The following CNTN6 variants were observed in gnomAD, a reference collection of about 807,000 sequenced individuals.
CNTN6 encodes the protein contactin-6.
CNTN6 carries 137 observed loss-of-function variants against 122.8 expected under a neutral mutation model. The ratio of observed to expected loss-of-function variants is 1.12; its 90% confidence interval spans 0.97 to 1.29. The LOEUF (loss-of-function observed/expected upper bound fraction) is 1.29. Ranked by LOEUF, CNTN6 falls within the 50% of genes most tolerant of loss-of-function variation. The probability of loss-of-function intolerance (pLI) is 0.00; values close to 1 mark genes in which losing one functional copy is unlikely to be tolerated. For missense variants in CNTN6, 1,634 were observed against 1,223.4 expected (o/e 1.34, Z -5.01); for synonymous variants, 570 against 426.0 (o/e 1.34, Z -4.16).
intron 1 of CNTN6, among the ~76,000 whole-genome samples, chr3:1,136,840 T>G (rs1040546490): frequency 3.3e-5 from 5 of 152,342 alleles, no homozygotes; most frequent in Admixed American, 2.0e-4. Context: ...ATCATCTGTG[T>G]GCACTTTGTC....
At chr3:1,127,998 G>A (rs1288441692) in intron 1 of CNTN6, among the ~76,000 whole-genome samples, 1 of 151,852 alleles carries the variant, frequency 6.6e-6, no homozygotes, top group Non-Finnish European at 1.5e-5. Context: ...TTGTATTAGG[G>A]AATGGCTGAC....
At chr3:1,357,884 A>C (rs1449169997) in intron 12 of CNTN6, among the ~76,000 whole-genome samples, 1 of 141,698 alleles carries the variant, frequency 7.1e-6, no homozygotes, top group Non-Finnish European at 1.6e-5. Context: ...ATTTATGTAA[A>C]ATTTACATAT....
intron 7 of CNTN6, among the ~76,000 whole-genome samples, chr3:1,299,654 C>T (rs1365429755): frequency 6.6e-6 from 1 of 152,100 alleles, no homozygotes; most frequent in Non-Finnish European, 1.5e-5. Context: ...TGTTTCTATT[C>T]AGAGGAAGCA....
At chr3:1,240,131 G>C (rs941521251) in intron 4 of CNTN6, among the ~76,000 whole-genome samples, 2 of 152,014 alleles carry the variant, frequency 1.3e-5, no homozygotes, top group Non-Finnish European at 2.9e-5. Flanking sequence ...TCATGACCAA[G>C]AACACAAAGC....
At chr3:1,286,195 T>C (rs532973909) in intron 5 of CNTN6, among the ~76,000 whole-genome samples, 3 of 152,314 alleles carry the variant, frequency 2.0e-5, no homozygotes, top group Admixed American at 1.3e-4. Context: ...AGTAATTCTT[T>C]TTTTCTCTTT....
intron 2 of CNTN6, among the ~76,000 whole-genome samples, chr3:1,148,529 A>C (rs572750482): frequency 1.1e-3 from 175 of 152,216 alleles, no homozygotes; most frequent in African/African-American, 4.0e-3. Flanking sequence ...AGAAAAGATG[A>C]TATAGAATGT....
intron 1 of CNTN6, among the ~76,000 whole-genome samples, chr3:1,123,263 G>A (rs553836375): frequency 6.6e-6 from 1 of 151,826 alleles, no homozygotes; most frequent in Non-Finnish European, 1.5e-5. Flanking sequence ...ACCACATTAA[G>A]CCTCCTAATC....
rs73095001 is a variant in CNTN6, at chr3:1,383,144, G to C, written c.2369G>C (p.Ser790Thr). ...AATAATGAAGGAGAAGGATCCCTGA[G>C]TACTGTGACCATTGTCTACTCTGGG... ...VYNNEGEGSL[S>T]TVTIVYSGED... is the part of the protein sequence containing the mutation. The change falls in exon 18 of 23, where the codon AGT (serine) becomes ACT (threonine). Residue 790 changes from serine (S) to threonine (T), a missense_variant. Coordinates refer to ENST00000446702, the MANE Select transcript of CNTN6 (RefSeq NM_001289080.2). 13 of 1,613,986 alleles carry C rather than the reference G, an allele frequency of 8.1e-6. No homozygotes were observed. In the East Asian group the frequency reaches 1.1e-4, roughly 14 times the overall value.
At chr3:1,322,814 T>C (rs1701046122) in intron 8 of CNTN6, among the ~76,000 whole-genome samples, 1 of 151,646 alleles carries the variant, frequency 6.6e-6, no homozygotes, top group African/African-American at 2.4e-5. Flanking sequence ...CTATTTTATA[T>C]ATAGAATATA....
rs781308727 is a variant in CNTN6, at chr3:1,297,885, A to G, written c.659-4A>G. The G allele has an allele frequency of 3.7e-6, 6 of 1,603,730 alleles. 1 individual carries two copies. The highest frequency in any genetic ancestry group is 5.1e-6 in the Non-Finnish European group (6 of 1,174,090). Reference sequence around the variant, plus strand: ...ATGCTGCTAGCTCTTTTGATATTTAACAGGTGTGATGGGGGAATATGAACC... The same window carrying G: ...ATGCTGCTAGCTCTTTTGATATTTAGCAGGTGTGATGGGGGAATATGAACC... On this transcript the variant is annotated splice_polypyrimidine_tract_variant and splice_region_variant and intron_variant, in intron 6 of 22. Transcript: ENST00000446702.
chr3:1,265,780 C>T (rs922148927), intron 4 of CNTN6, among the ~76,000 whole-genome samples: 7 of 152,052 alleles, frequency 4.6e-5, no homozygotes, highest in African/African-American at 9.7e-5. Context: ...TCAGATGGCC[C>T]GTTTTCCTCA....
chr3:1,282,009 C>CAA (rs1559700369), intron 5 of CNTN6, among the ~76,000 whole-genome samples: 2 of 145,264 alleles, frequency 1.4e-5, no homozygotes, highest in African/African-American at 5.1e-5. Context: ...CACACACACA[C>CAA]ATAACTTTAT....
rs768373088 is a variant in CNTN6, at chr3:1,402,501, C to A, written c.2986+15C>A. ...AAAAATGTCAAGTAAGTTGAGTCAC[C>A]ATTGCTGTAGTAGATTCTGAACCTA... On this transcript the variant is annotated intron_variant, in intron 22 of 22. Transcript: ENST00000446702. The A allele has an allele frequency of 3.8e-6, 6 of 1,597,634 alleles. No individual in the cohort carries two copies. The highest frequency in any genetic ancestry group is 2.2e-5 in the South Asian group (2 of 89,544).
intron 3 of CNTN6, among the ~76,000 whole-genome samples, chr3:1,226,981 G>C (rs2094293071): frequency 6.6e-6 from 1 of 152,072 alleles, no homozygotes; most frequent in African/African-American, 2.4e-5. Context: ...AAAATATTTG[G>C]GGATTTTGAT....
chr3:1,161,026 G>T (rs971522215), intron 2 of CNTN6, among the ~76,000 whole-genome samples: 2 of 151,318 alleles, frequency 1.3e-5, no homozygotes, highest in South Asian at 2.1e-4. Context: ...TATTTGTATG[G>T]TGGAAATATC....
At chr3:1,181,326 G>GCT (rs2093550629) in intron 2 of CNTN6, among the ~76,000 whole-genome samples, 2 of 152,142 alleles carry the variant, frequency 1.3e-5, no homozygotes, top group East Asian at 1.9e-4. Context: ...TCCTGAGGTT[G>GCT]CTCTCTCTCT....
At chr3:1,105,756 T>A (rs1217542460) in intron 1 of CNTN6, among the ~76,000 whole-genome samples, 1 of 152,156 alleles carries the variant, frequency 6.6e-6, no homozygotes, top group Non-Finnish European at 1.5e-5. Context: ...TGTTATCAAC[T>A]TTTTACCTCC....
At chr3:1,386,684 CT>C (rs1443759065) in intron 20 of CNTN6, among the ~76,000 whole-genome samples, 1 of 151,994 alleles carries the variant, frequency 6.6e-6, no homozygotes, top group Non-Finnish European at 1.5e-5. Context: ...TAAAATCAGA[CT>C]TTTTAAAACA....
intron 7 of CNTN6, among the ~76,000 whole-genome samples, chr3:1,315,830 C>G (rs968321425): frequency 3.3e-5 from 5 of 151,828 alleles, no homozygotes; most frequent in African/African-American, 4.8e-5. Flanking sequence ...TCCATAGCAG[C>G]TAGGACATTA....
Sources: allele counts gnomAD v4.1 joint callset (sites outside exome capture counted in the v4.1 genomes callset), GRCh38; gene constraint gnomAD v4.1.1; transcripts MANE v1.5; gene names NCBI Gene and HGNC (gene_info 2026-07-23, HGNC 2026-07-21).